SPON1: variants seen among roughly 807,000 people sequenced by gnomAD.
SPON1 encodes spondin 1.
SPON1 carries 52 observed loss-of-function variants against 111.7 expected under a neutral mutation model. That is an observed-to-expected ratio of 0.47 (90% CI 0.37 to 0.59). The LOEUF (loss-of-function observed/expected upper bound fraction) is 0.59. Ranked by LOEUF, SPON1 falls within the 20% of genes least tolerant of loss-of-function variation. The probability of loss-of-function intolerance (pLI) is 0.00; values close to 1 mark genes in which losing one functional copy is unlikely to be tolerated. For synonymous variants in SPON1, 410 were observed against 395.8 expected (o/e 1.04, Z -0.43); for missense variants, 957 against 1,068.5 (o/e 0.90, Z 1.46).
At chr11:14,157,226 T>A (rs1847858498) in intron 6 of SPON1, among the ~76,000 whole-genome samples, 1 of 144,096 alleles carries the variant, frequency 6.9e-6, no homozygotes, top group Non-Finnish European at 1.6e-5. Flanking sequence ...TCCTTCAGCA[T>A]TTTTTAGAAT....
intron 6 of SPON1, among the ~76,000 whole-genome samples, chr11:14,204,995 C>G (rs1554936039): frequency 6.6e-6 from 1 of 152,180 alleles, no homozygotes; most frequent in Non-Finnish European, 1.5e-5. Context: ...CCGATCCTCC[C>G]TATTCTTTAT....
chr11:14,174,497 G>A (rs1848150818), intron 6 of SPON1, among the ~76,000 whole-genome samples: 1 of 152,006 alleles, frequency 6.6e-6, no homozygotes, highest in African/African-American at 2.4e-5. Context: ...TTTTGAGAGG[G>A]ATTTATCTGC....
chr11:14,127,794 G>A (rs551647430), intron 5 of SPON1, among the ~76,000 whole-genome samples: 4 of 152,206 alleles, frequency 2.6e-5, no homozygotes, highest in African/African-American at 7.2e-5. Flanking sequence ...GTAAAAAGAG[G>A]TGTAATTGAC....
rs35202633 is a variant in SPON1, at chr11:14,192,246, G to GAT, written c.826-51063_826-51062dup. Among the ~76,000 whole-genome samples, 794 of 144,238 alleles carry GAT rather than the reference G, an allele frequency of 5.5e-3. 7 individuals carry two copies. The highest frequency in any genetic ancestry group is 0.014 in the Admixed American group (198 of 14,448). 94.6% of individuals were successfully genotyped at this position (144,238 alleles called of 152,430 possible). A position where few individuals can be genotyped will look rare whatever the true frequency, so the allele number is the denominator to read the frequency against. On this transcript the variant is annotated intron_variant, in intron 6 of 15. Coordinates refer to ENST00000576479, the MANE Select transcript of SPON1 (RefSeq NM_006108.4). ...GGCTAAAAGACAAGGTATCATTAGGGATATATATATATATATATATATATT... is the reference window on the plus strand; with the variant it reads ...GGCTAAAAGACAAGGTATCATTAGGGATATATATATATATATATATATATATT...
intron 6 of SPON1, among the ~76,000 whole-genome samples, chr11:14,153,132 C>T (rs535300186): frequency 3.9e-5 from 6 of 152,302 alleles, no homozygotes; most frequent in African/African-American, 9.6e-5. Flanking sequence ...CTTCTATCTT[C>T]AATCTTTTAC....
intron 6 of SPON1, among the ~76,000 whole-genome samples, chr11:14,192,996 C>A (rs1848364473): frequency 1.3e-5 from 2 of 152,076 alleles, no homozygotes; most frequent in South Asian, 4.2e-4. Flanking sequence ...GAAACCAGAG[C>A]AGAATGCATG....
intron 6 of SPON1, among the ~76,000 whole-genome samples, chr11:14,179,838 C>A (rs1218894227): frequency 2.0e-5 from 3 of 152,110 alleles, no homozygotes; most frequent in Non-Finnish European, 4.4e-5. Flanking sequence ...GATCAGCAAG[C>A]CAGAAAACAG....
chr11:14,029,395 T>A (rs1848542132), intron 2 of SPON1, among the ~76,000 whole-genome samples: 1 of 152,148 alleles, frequency 6.6e-6, no homozygotes, highest in South Asian at 2.1e-4. Flanking sequence ...ACACTGATAG[T>A]TTTGTTGATA....
intron 2 of SPON1, among the ~76,000 whole-genome samples, chr11:14,000,616 A>G (rs1439615651): frequency 6.6e-6 from 1 of 152,126 alleles, no homozygotes. Context: ...ACACTGACTT[A>G]TGGTATTGAT....
intron 5 of SPON1, among the ~76,000 whole-genome samples, chr11:14,082,358 C>T (rs1369048686): frequency 6.6e-6 from 1 of 152,172 alleles, no homozygotes; most frequent in African/African-American, 2.4e-5. Context: ...AGATTGTGTC[C>T]TAATTTTTGG....
chr11:14,040,307 G>A (rs1848622708), intron 2 of SPON1, among the ~76,000 whole-genome samples: 1 of 152,180 alleles, frequency 6.6e-6, no homozygotes, highest in East Asian at 1.9e-4. Flanking sequence ...GGAATACTAG[G>A]CAACAGTCAT....
At position 14,256,662 on chromosome 11, in the gene SPON1, G is replaced by A; in HGVS notation, c.1279G>A (p.Ala427Thr). The A allele has an allele frequency of 1.2e-6, 2 of 1,613,816 alleles. No homozygotes were observed. Among genetic ancestry groups the A allele is most frequent in the Non-Finnish European group, 1.7e-6 (2 of 1,179,818 alleles). The change falls in exon 10 of 16, where the codon GCT becomes ACT. Residue 427 changes from alanine (A) to threonine (T), a missense_variant. By Grantham distance (58) the Ala-to-Thr change is moderately conservative (BLOSUM62 0). Transcript: ENST00000576479. ...IVPDNVDDIV[A>T]DLAPEEKDED... ...ACCTGACAATGTCGATGATATTGTA[G>A]CTGACCTGGCTCCAGAAGAGAAAGA...
intron 5 of SPON1, among the ~76,000 whole-genome samples, chr11:14,097,038 A>G (rs1849107076): frequency 6.6e-6 from 1 of 152,104 alleles, no homozygotes; most frequent in Non-Finnish European, 1.5e-5. Flanking sequence ...ATCCCACTCA[A>G]ATGCTGCTTC....
chr11:14,220,495 T>C (rs1848669974), intron 6 of SPON1, among the ~76,000 whole-genome samples: 1 of 152,244 alleles, frequency 6.6e-6, no homozygotes, highest in Admixed American at 6.5e-5. Flanking sequence ...GAAGTGGTTT[T>C]TCCTCCCAAA....
At chr11:14,166,925 G>T (rs894696371) in intron 6 of SPON1, among the ~76,000 whole-genome samples, 23 of 152,060 alleles carry the variant, frequency 1.5e-4, no homozygotes, top group African/African-American at 5.3e-4. Flanking sequence ...TTTTAAAGAG[G>T]ACCGAAACAA....
At chr11:14,176,455 T>C (rs1253537434) in intron 6 of SPON1, among the ~76,000 whole-genome samples, 1 of 152,080 alleles carries the variant, frequency 6.6e-6, no homozygotes, top group African/African-American at 2.4e-5. Context: ...GCAATGAGGC[T>C]ACAGGTATCC....
chr11:14,188,360 C>T (rs1317389729), intron 6 of SPON1, among the ~76,000 whole-genome samples: 1 of 152,136 alleles, frequency 6.6e-6, no homozygotes, highest in Non-Finnish European at 1.5e-5. Flanking sequence ...ACTATCCTGC[C>T]TCTTCCCTCC....
chr11:14,053,521 T>C (rs1212928925), intron 3 of SPON1, among the ~76,000 whole-genome samples: 1 of 152,264 alleles, frequency 6.6e-6, no homozygotes, highest in Non-Finnish European at 1.5e-5. Context: ...TGTATGGATA[T>C]ACCACAATCT....
At chr11:14,054,165 G>A (rs191379475) in intron 3 of SPON1, among the ~76,000 whole-genome samples, 3 of 152,252 alleles carry the variant, frequency 2.0e-5, no homozygotes, top group Non-Finnish European at 4.4e-5. Context: ...TTTTCCTTGG[G>A]CATTTTCCTA....
Sources: allele counts gnomAD v4.1 joint callset (sites outside exome capture counted in the v4.1 genomes callset), GRCh38; gene constraint gnomAD v4.1.1; transcripts MANE v1.5; gene names NCBI Gene and HGNC (gene_info 2026-07-23, HGNC 2026-07-21).